The following SLC10A2 variants were observed in gnomAD, a reference collection of about 807,000 sequenced individuals.
SLC10A2 encodes ileal sodium/bile acid cotransporter.
In SLC10A2, 34 loss-of-function variants were observed where a neutral mutation model predicts 27.1. That is an observed-to-expected ratio of 1.26 (90% CI 0.96 to 1.67). The LOEUF is 1.67. SLC10A2 is among the 40% of genes most tolerant of loss of function. The pLI is 0.00. For missense variants in SLC10A2, 530 were observed against 444.4 expected (o/e 1.19, Z -1.73); for synonymous variants, 205 against 174.0 (o/e 1.18, Z -1.40).
intron 4 of SLC10A2, 94 bp downstream of exon 4, chr13:103,051,163 T>C: frequency 8.0e-7 from 1 of 1,244,330 alleles, no homozygotes; most frequent in Non-Finnish European, 1.2e-6. Context: ...TTTAAGCCAC[T>C]CAGTTTGTGG....
At chr13:103,049,975 C>T (rs1875727260) in intron 4 of SLC10A2, among the ~76,000 whole-genome samples, 2 of 151,552 alleles carry the variant, frequency 1.3e-5, no homozygotes, top group Non-Finnish European at 1.5e-5. Flanking sequence ...ATAATGAGAC[C>T]CTGTTTCTAA....
intron 2 of SLC10A2, among the ~76,000 whole-genome samples, chr13:103,053,539 C>A (rs1297278180): frequency 6.6e-6 from 1 of 152,138 alleles, no homozygotes; most frequent in Non-Finnish European, 1.5e-5. Flanking sequence ...TAATTTAGCA[C>A]CAACAACTTC....
intron 4 of SLC10A2, among the ~76,000 whole-genome samples, chr13:103,050,008 AT>A (rs1458808082): frequency 1.3e-5 from 2 of 152,164 alleles, no homozygotes; most frequent in African/African-American, 4.8e-5. Context: ...AAACAAAAAA[AT>A]TAGCCAGGCA....
chr13:103,065,691 C>T (rs1876250696), intron 1 of SLC10A2, among the ~76,000 whole-genome samples, 182 bp downstream of exon 1: 1 of 152,052 alleles, frequency 6.6e-6, no homozygotes, highest in South Asian at 2.1e-4. Context: ...AATATAAATC[C>T]CCCAATTCCA....
chr13:103,062,062 T>C (rs887241466), intron 1 of SLC10A2, among the ~76,000 whole-genome samples: 5 of 152,234 alleles, frequency 3.3e-5, no homozygotes, highest in Non-Finnish European at 7.3e-5. Context: ...CAGGGAGATT[T>C]TCTTTTGTGT....
At chr13:103,056,402 T>C (rs1276363679) in intron 2 of SLC10A2, among the ~76,000 whole-genome samples, 1 of 152,196 alleles carries the variant, frequency 6.6e-6, no homozygotes, top group Non-Finnish European at 1.5e-5. Flanking sequence ...TGATTTTTCA[T>C]TTTCTCCTTA....
rs143059000 is a variant in SLC10A2 at position 103,051,318 on chromosome 13, G to C, written c.700C>G (p.Pro234Ala). 1 of 1,614,052 alleles carries C rather than the reference G, an allele frequency of 6.2e-7. No individual in the cohort carries two copies. Among genetic ancestry groups the C allele is most frequent in the Non-Finnish European group, 8.5e-7 (1 of 1,179,984 alleles). ...AACCCCAGGGAGTAACCCGCCACAG[G>C]AAATATTGTTCCTATAATCCACAGT... is the stretch of plus-strand genomic sequence containing the variant. Reference protein sequence around the residue: ...PKLWIIGTIFPVAGYSLGFLL... With the variant: ...PKLWIIGTIFAVAGYSLGFLL... The change falls in exon 4 of 6, where the codon CCT becomes GCT. Residue 234 changes from proline (P) to alanine (A), a missense_variant. Coordinates refer to ENST00000245312, the MANE Select transcript of SLC10A2 (RefSeq NM_000452.3).
intron 5 of SLC10A2, among the ~76,000 whole-genome samples, chr13:103,047,642 C>T (rs1875651514): frequency 6.7e-6 from 1 of 150,278 alleles, no homozygotes; most frequent in Non-Finnish European, 1.5e-5. Flanking sequence ...AAATATGTTT[C>T]CAGGTATTGT....
At chr13:103,049,178 T>C (rs1453567451) in intron 5 of SLC10A2, 111 bp downstream of exon 5, 1 of 1,161,538 alleles carries the variant, frequency 8.6e-7, no homozygotes, top group Non-Finnish European at 1.3e-6. Flanking sequence ...TTTCCTCTCA[T>C]ATATTTGTAC....
chr13:103,049,271 A>C lies in SLC10A2; in HGVS notation c.919+18T>G. 6.2e-7 allele frequency: 1 copy of C among 1,612,688 alleles called. No individual in the cohort carries two copies. Among genetic ancestry groups the C allele is most frequent in the Non-Finnish European group, 8.5e-7 (1 of 1,178,984 alleles). Reference sequence around the variant, plus strand: ...TTTTCAAAGATTATCATGAAATGGGATTGGCATGATTCCTTACATCCTAAG... The same window carrying C: ...TTTTCAAAGATTATCATGAAATGGGCTTGGCATGATTCCTTACATCCTAAG... On this transcript the variant is annotated intron_variant, in intron 5 of 5. Transcript: ENST00000245312.
At chr13:103,055,797 T>G (rs1863444) in intron 2 of SLC10A2, among the ~76,000 whole-genome samples, 61,706 of 152,000 alleles carry the variant, frequency 0.41, 12,817 homozygotes, top group African/African-American at 0.49. Context: ...TCTATGTAGC[T>G]GTTAGATATA....
At chr13:103,065,349 G>A (rs1876240439) in intron 1 of SLC10A2, among the ~76,000 whole-genome samples, 1 of 152,072 alleles carries the variant, frequency 6.6e-6, no homozygotes, top group South Asian at 2.1e-4. Context: ...TAGAGGTGAA[G>A]CAAATTTACA....
chr13:103,064,827 G>A (rs963855970), intron 1 of SLC10A2, among the ~76,000 whole-genome samples: 1 of 152,116 alleles, frequency 6.6e-6, no homozygotes, highest in Non-Finnish European at 1.5e-5. Context: ...TATAGGGTTT[G>A]TATGACTTTT....
chr13:103,049,201 G>T (rs1875695184), intron 5 of SLC10A2, 88 bp downstream of exon 5: 9 of 1,386,014 alleles, frequency 6.5e-6, no homozygotes. Flanking sequence ...TTCACCACCA[G>T]GAACGGGGAG....
At chr13:103,061,872 C>T (rs930085984) in intron 1 of SLC10A2, among the ~76,000 whole-genome samples, 2 of 151,662 alleles carry the variant, frequency 1.3e-5, no homozygotes, top group Admixed American at 6.6e-5. Context: ...ATATAGAAGC[C>T]TAAATTAGCA....
intron 2 of SLC10A2, among the ~76,000 whole-genome samples, chr13:103,053,440 C>T (rs541416499): frequency 6.6e-5 from 10 of 152,314 alleles, no homozygotes; most frequent in African/African-American, 2.4e-4. Context: ...ACTTCAATTT[C>T]ACCATGTTAA....
rs781234025 is a variant in SLC10A2 at position 103,058,382 on chromosome 13, G to A, written c.378C>T (p.Ser126=). The change falls in exon 2 of 6, where the codon AGC becomes AGT. Residue 126 remains serine, a splice_region_variant and synonymous_variant. Coordinates refer to ENST00000245312, the MANE Select transcript of SLC10A2 (RefSeq NM_000452.3). ...AYWVDGDMDL[S]VSMTTCSTLL... Reference sequence around the variant, plus strand: ...GTGTGGAGCATGTGGTCATGCTGACGCTGAAAGGCAATGGGCAGATTGATA... The same window carrying A: ...GTGTGGAGCATGTGGTCATGCTGACACTGAAAGGCAATGGGCAGATTGATA... 9 of 1,589,374 alleles carry A rather than the reference G, an allele frequency of 5.7e-6. No individual in the cohort carries two copies. Among genetic ancestry groups the A allele is most frequent in the East Asian group, 4.5e-5 (2 of 44,746 alleles).
intron 2 of SLC10A2, among the ~76,000 whole-genome samples, chr13:103,055,095 A>G (rs1033285930): frequency 1.3e-5 from 2 of 152,046 alleles, no homozygotes; most frequent in East Asian, 3.9e-4. Context: ...TTGGAACTGA[A>G]CCTTTCTGTA....
rs1179011895 is a variant in SLC10A2, at chr13:103,065,993, A to G, written c.257T>C (p.Leu86Pro). 1 of 1,614,228 alleles carries G rather than the reference A, an allele frequency of 6.2e-7. No individual in the cohort carries two copies. Among genetic ancestry groups the G allele is most frequent in the Admixed American group, 1.7e-5 (1 of 60,030 alleles). The change falls in exon 1 of 6, where the codon CTG (leucine) becomes CCG (proline). Residue 86 changes from leucine (L) to proline (P), a missense_variant. Coordinates refer to ENST00000245312, the MANE Select transcript of SLC10A2 (RefSeq NM_000452.3). Reference protein sequence around the residue: ...FGIMPLTGFILSVAFDILPLQ... With the variant: ...FGIMPLTGFIPSVAFDILPLQ... ...CGGGAGGATGTCAAAGGCCACCGAC[A>G]GGATGAATCCTGTGAGGGGCATGAT...
Sources: allele counts gnomAD v4.1 joint callset (sites outside exome capture counted in the v4.1 genomes callset), GRCh38; gene constraint gnomAD v4.1.1; transcripts MANE v1.5; gene names NCBI Gene and HGNC (gene_info 2026-07-23, HGNC 2026-07-21).